The following ZFPM2 variants were observed in gnomAD, a reference collection of about 807,000 sequenced individuals.
ZFPM2 encodes the protein zinc finger protein ZFPM2.
Under a neutral mutation model 98.6 loss-of-function variants are expected in ZFPM2, and 20 were observed. The ratio of observed to expected loss-of-function variants is 0.20; its 90% CI spans 0.14 to 0.29. The LOEUF (loss-of-function observed/expected upper bound fraction) is 0.29. ZFPM2 is among the 10% of genes least tolerant of loss of function. The pLI is 1.00. For synonymous variants in ZFPM2, 518 were observed against 502.7 expected (o/e 1.03, Z -0.41); for missense variants, 1,310 against 1,388.6 (o/e 0.94, Z 0.90).
intron 3 of ZFPM2, among the ~76,000 whole-genome samples, chr8:105,450,130 TA>T (rs1315301774): frequency 6.6e-6 from 1 of 152,128 alleles, no homozygotes. Flanking sequence ...TATCTGTAAA[TA>T]AGTTGCTTTA....
At chr8:105,448,154 A>G (rs1438156424) in intron 3 of ZFPM2, among the ~76,000 whole-genome samples, 1 of 151,998 alleles carries the variant, frequency 6.6e-6, no homozygotes, top group Non-Finnish European at 1.5e-5. Context: ...TCATTGTCTC[A>G]TTATTTCAGT....
intron 1 of ZFPM2, among the ~76,000 whole-genome samples, chr8:105,338,333 A>G (rs1208381173): frequency 3.3e-5 from 5 of 151,774 alleles, no homozygotes; most frequent in African/African-American, 7.2e-5. Flanking sequence ...CATCTCATAC[A>G]TAGGTCAGGC....
At chr8:105,511,235 T>C (rs1446431701) in intron 3 of ZFPM2, among the ~76,000 whole-genome samples, 2 of 152,276 alleles carry the variant, frequency 1.3e-5, no homozygotes, top group African/African-American at 4.8e-5. Flanking sequence ...TGCCAGGTGC[T>C]AATGTTCCCA....
At chr8:105,512,682 A>T (rs1813840949) in intron 3 of ZFPM2, among the ~76,000 whole-genome samples, 1 of 152,174 alleles carries the variant, frequency 6.6e-6, no homozygotes, top group South Asian at 2.1e-4. Flanking sequence ...AATTTCAATG[A>T]TTTAATATGC....
At chr8:105,551,807 T>C (rs1429679156) in intron 3 of ZFPM2, among the ~76,000 whole-genome samples, 1 of 152,196 alleles carries the variant, frequency 6.6e-6, no homozygotes, top group African/African-American at 2.4e-5. Flanking sequence ...ATATTTCCTT[T>C]CATCTCCAAC....
At chr8:105,549,080 G>T (rs1814781566) in intron 3 of ZFPM2, among the ~76,000 whole-genome samples, 1 of 152,056 alleles carries the variant, frequency 6.6e-6, no homozygotes, top group Non-Finnish European at 1.5e-5. Context: ...TTCTCTGTTA[G>T]GACCACTCCA....
chr8:105,552,676 CTT>C (rs1291898667), intron 3 of ZFPM2, among the ~76,000 whole-genome samples: 1 of 112,468 alleles, frequency 8.9e-6, no homozygotes, highest in African/African-American at 3.9e-5. Flanking sequence ...TATAAAAAGA[CTT>C]TAGAGCAAAG....
At chr8:105,669,400 TA>T (rs1278461934) in intron 5 of ZFPM2, among the ~76,000 whole-genome samples, 1 of 151,110 alleles carries the variant, frequency 6.6e-6, no homozygotes, top group East Asian at 1.9e-4. Flanking sequence ...GTTTAATGTC[TA>T]ATTTGGGGCA....
chr8:105,613,165 G>T (rs890078132), intron 4 of ZFPM2, among the ~76,000 whole-genome samples: 1 of 152,226 alleles, frequency 6.6e-6, no homozygotes, highest in South Asian at 2.1e-4. Context: ...TTTAATTGGA[G>T]ATTTTAAGCC....
At chr8:105,739,574 G>C (rs1482952713) in intron 5 of ZFPM2, among the ~76,000 whole-genome samples, 3 of 150,396 alleles carry the variant, frequency 2.0e-5, no homozygotes. Context: ...CCTGTAATTT[G>C]TTTCATAGGA....
chr8:105,407,918 C>A (rs765342292), intron 1 of ZFPM2, among the ~76,000 whole-genome samples: 10 of 151,838 alleles, frequency 6.6e-5, no homozygotes, highest in Non-Finnish European at 1.5e-4. Context: ...AGGTATGTGT[C>A]TCAGGGAGGC....
intron 5 of ZFPM2, among the ~76,000 whole-genome samples, chr8:105,751,445 TA>T (rs1812473907): frequency 6.6e-6 from 1 of 152,050 alleles, no homozygotes; most frequent in Non-Finnish European, 1.5e-5. Flanking sequence ...CTGGGAAAAC[TA>T]AAATGACAGG....
intron 1 of ZFPM2, among the ~76,000 whole-genome samples, chr8:105,371,919 G>T (rs1810628391): frequency 6.6e-6 from 1 of 151,756 alleles, no homozygotes; most frequent in African/African-American, 2.4e-5. Flanking sequence ...TTTCTCAGAT[G>T]ATATATACTG....
intron 1 of ZFPM2, among the ~76,000 whole-genome samples, chr8:105,382,449 A>T (rs1033944999): frequency 6.6e-6 from 1 of 152,118 alleles, no homozygotes; most frequent in Non-Finnish European, 1.5e-5. Context: ...TTTATTAAAC[A>T]CTTTTGTCAA....
chr8:105,671,255 A>G (rs1817588085), intron 5 of ZFPM2, among the ~76,000 whole-genome samples: 1 of 152,042 alleles, frequency 6.6e-6, no homozygotes, highest in African/African-American at 2.4e-5. Flanking sequence ...TGAGATTAAA[A>G]TATTACCAAT....
intron 3 of ZFPM2, among the ~76,000 whole-genome samples, chr8:105,460,428 A>G (rs897405638): frequency 6.6e-5 from 10 of 152,160 alleles, no homozygotes; most frequent in Non-Finnish European, 1.2e-4. Flanking sequence ...AAGGCCAGTT[A>G]AGGCCACTTG....
chr8:105,649,994 G>A (rs987927331), intron 5 of ZFPM2, among the ~76,000 whole-genome samples: 10 of 152,160 alleles, frequency 6.6e-5, no homozygotes, highest in Admixed American at 2.0e-4. Context: ...GAATTTGGCT[G>A]TGAATCCATC....
At chr8:105,683,403 G>T (rs776731997) in intron 5 of ZFPM2, among the ~76,000 whole-genome samples, 1 of 152,058 alleles carries the variant, frequency 6.6e-6, no homozygotes, top group Non-Finnish European at 1.5e-5. Context: ...AAACAGCCTC[G>T]TGGAATCAAG....
At chr8:105,604,957 C>T (rs1291571698) in intron 4 of ZFPM2, among the ~76,000 whole-genome samples, 1 of 151,922 alleles carries the variant, frequency 6.6e-6, no homozygotes, top group East Asian at 1.9e-4. Flanking sequence ...TAAATATTTG[C>T]TGAATGTATA....
Sources: allele counts gnomAD v4.1 joint callset (sites outside exome capture counted in the v4.1 genomes callset), GRCh38; gene constraint gnomAD v4.1.1; transcripts MANE v1.5; gene names NCBI Gene and HGNC (gene_info 2026-07-23, HGNC 2026-07-21).